C17orf67: variants seen among roughly 807,000 people sequenced by gnomAD.
C17orf67 encodes chromosome 17 open reading frame 67.
Under a neutral mutation model 11.2 loss-of-function variants are expected in C17orf67, and 12 were observed. The ratio of observed to expected loss-of-function variants is 1.07; its 90% CI spans 0.68 to 1.73. The LOEUF (loss-of-function observed/expected upper bound fraction) is 1.73, where lower values mean the gene tolerates loss of function less well. C17orf67 is among the 40% of genes most tolerant of loss of function. C17orf67 has a pLI of 0.00. For missense variants in C17orf67, 115 were observed against 113.5 expected (o/e 1.01, Z -0.06); for synonymous variants, 59 against 46.9 (o/e 1.26, Z -1.05).
At chr17:56,802,176 C>G (rs112737455) in intron 6 of C17orf67, among the ~76,000 whole-genome samples, 1 of 152,082 alleles carries the variant, frequency 6.6e-6, no homozygotes, top group Non-Finnish European at 1.5e-5. Context: ...GCCGTGGGAC[C>G]CAGATTAATT....
chr17:56,817,473 T>C (rs1905787922), intron 4 of C17orf67, among the ~76,000 whole-genome samples: 1 of 152,210 alleles, frequency 6.6e-6, no homozygotes, highest in South Asian at 2.1e-4. Flanking sequence ...AATTTTTTTT[T>C]TGAGACAGGG....
chr17:56,811,089 T>C (rs1905613359), intron 6 of C17orf67, among the ~76,000 whole-genome samples: 1 of 152,138 alleles, frequency 6.6e-6, no homozygotes, highest in Non-Finnish European at 1.5e-5. Flanking sequence ...GACTCCTCGC[T>C]TGGGTTGGTA....
At chr17:56,812,240 T>C (rs1905646950) in intron 6 of C17orf67, among the ~76,000 whole-genome samples, 1 of 152,198 alleles carries the variant, frequency 6.6e-6, no homozygotes, top group Admixed American at 6.5e-5. Flanking sequence ...TAGACTTGGT[T>C]CCTCTCCTTT....
intron 4 of C17orf67, among the ~76,000 whole-genome samples, chr17:56,823,078 C>T (rs374827939): frequency 1.2e-4 from 18 of 152,192 alleles, no homozygotes; most frequent in South Asian, 2.1e-4. Flanking sequence ...GGCAGAATCA[C>T]GTAAGATGGG....
intron 6 of C17orf67, among the ~76,000 whole-genome samples, chr17:56,808,603 T>C (rs1273761918): frequency 2.0e-5 from 3 of 152,148 alleles, no homozygotes; most frequent in African/African-American, 4.8e-5. Context: ...CAGTACAGGG[T>C]TACCCAGCAA....
intron 6 of C17orf67, among the ~76,000 whole-genome samples, chr17:56,804,574 T>C (rs1905401355): frequency 6.6e-6 from 1 of 152,158 alleles, no homozygotes; most frequent in Non-Finnish European, 1.5e-5. Context: ...ACTACATACA[T>C]TTGTCAAAGA....
chr17:56,810,347 TCA>T (rs534503891), intron 6 of C17orf67, among the ~76,000 whole-genome samples: 2 of 117,210 alleles, frequency 1.7e-5, no homozygotes, highest in East Asian at 2.7e-4. Context: ...ACACACACCC[TCA>T]CACACACACC....
intron 6 of C17orf67, 127 bp from the exon 7 acceptor site, chr17:56,795,307 C>T (rs901005629): frequency 3.1e-5 from 24 of 777,312 alleles, no homozygotes; most frequent in South Asian, 4.9e-5. Context: ...AAGAAATCAA[C>T]GGCCACACCC....
At position 56,815,789 on chromosome 17, in the gene C17orf67, C is replaced by T. The variant is rs769749324; in HGVS notation, c.22G>A (p.Val8Met). 3.8e-5 allele frequency: 61 copies of T among 1,613,654 alleles called. No homozygotes were observed. The highest frequency in any genetic ancestry group is 1.1e-4 in the South Asian group (10 of 91,042). MKTLPVL[V>M]LSLTLLTVFS... ...ACAGTCAGTAAGGTAAGAGACAGCA[C>T]GAGCACAGGCAATGTCTTCATCCTG... Residue 8 changes from valine to methionine, a missense_variant, in exon 5 of 8, where the codon GTG (valine) becomes ATG (methionine). Physicochemically the swap from Val to Met is conservative, Grantham distance 21. Coordinates refer to ENST00000397861, the MANE Select transcript of C17orf67 (RefSeq NM_001085430.4).
chr17:56,826,347 C>T (rs1016437554), intron 2 of C17orf67, among the ~76,000 whole-genome samples: 6 of 152,172 alleles, frequency 3.9e-5, no homozygotes, highest in African/African-American at 1.2e-4. Flanking sequence ...AAGACAATGA[C>T]ACTTTCACAC....
intron 6 of C17orf67, among the ~76,000 whole-genome samples, chr17:56,810,212 C>T (rs932386235): frequency 5.4e-5 from 8 of 148,054 alleles, no homozygotes; most frequent in Admixed American, 1.3e-4. Context: ...CTCTCACACA[C>T]ACCATCACAC....
At chr17:56,798,561 C>T (rs1194652711) in intron 6 of C17orf67, among the ~76,000 whole-genome samples, 1 of 152,102 alleles carries the variant, frequency 6.6e-6, no homozygotes, top group Admixed American at 6.5e-5. Context: ...GGCATCATGG[C>T]TCACATCTGT....
intron 2 of C17orf67, among the ~76,000 whole-genome samples, chr17:56,828,850 T>C (rs1388136171): frequency 1.4e-5 from 1 of 71,932 alleles, no homozygotes; most frequent in Admixed American, 1.6e-4. Context: ...AGCACAGTGA[T>C]GACAAAAAAA....
intron 6 of C17orf67, among the ~76,000 whole-genome samples, chr17:56,801,778 G>A (rs1242488688): frequency 6.6e-6 from 1 of 152,198 alleles, no homozygotes; most frequent in Non-Finnish European, 1.5e-5. Context: ...ATAGTAATTG[G>A]GAGGAACAGG....
intron 2 of C17orf67, among the ~76,000 whole-genome samples, chr17:56,826,999 G>A (rs988818714): frequency 6.6e-6 from 1 of 152,254 alleles, no homozygotes; most frequent in Non-Finnish European, 1.5e-5. Context: ...GCTGTGCAAT[G>A]CTTGGCACAT....
chr17:56,815,558 A>C (rs2144135763), intron 5 of C17orf67, among the ~76,000 whole-genome samples, 198 bp downstream of exon 5: 1 of 152,294 alleles, frequency 6.6e-6, no homozygotes, highest in African/African-American at 2.4e-5. Flanking sequence ...AAATACATTT[A>C]AAGATTTTTA....
At chr17:56,831,922 T>A (rs1906214792) in intron 2 of C17orf67, among the ~76,000 whole-genome samples, 1 of 152,078 alleles carries the variant, frequency 6.6e-6, no homozygotes, top group Non-Finnish European at 1.5e-5. Flanking sequence ...TCCCCCTATA[T>A]CAAAACGCTT....
chr17:56,819,410 C>T (rs1394354290), intron 4 of C17orf67, among the ~76,000 whole-genome samples: 4 of 152,206 alleles, frequency 2.6e-5, no homozygotes, highest in Admixed American at 1.3e-4. Context: ...ATAATTTATA[C>T]GTATTGCATT....
chr17:56,803,177 G>C (rs1905365437), intron 6 of C17orf67, among the ~76,000 whole-genome samples: 1 of 152,244 alleles, frequency 6.6e-6, no homozygotes, highest in African/African-American at 2.4e-5. Context: ...ACAAGGAAAA[G>C]CATGTGTGCA....
Sources: gnomAD v4.1 joint callset for allele counts (sites outside exome capture counted in the v4.1 genomes callset) on GRCh38, gnomAD v4.1.1 for gene constraint, MANE v1.5 for transcripts, NCBI Gene and HGNC (gene_info 2026-07-23, HGNC 2026-07-21) for gene names.